The following DST variants were observed in gnomAD, a reference collection of about 807,000 sequenced individuals.
The protein encoded by DST is dystonin.
Under a neutral mutation model 875.2 loss-of-function variants are expected in DST, and 253 were observed. That is an observed-to-expected ratio of 0.29 (90% CI 0.26 to 0.32). The LOEUF is 0.32. DST is among the 10% of genes least tolerant of loss of function. The pLI, the probability that DST is intolerant of heterozygous loss-of-function variation, is 1.00. For missense variants in DST, 8,287 were observed against 9,111.6 expected, an observed-to-expected ratio of 0.91 and a Z score of 3.68; for synonymous variants, 3,124 against 3,197.1, an observed-to-expected ratio of 0.98 and a Z score of 0.77.
At chr6:56,762,937 G>A (rs980061583) in intron 4 of DST, among the ~76,000 whole-genome samples, 7 of 144,214 alleles carry the variant, frequency 4.9e-5, no homozygotes, top group African/African-American at 1.8e-4. Context: ...TGCAACATGT[G>A]CCTCCCCGGT....
Position 56,607,754 on chromosome 6 carries a change from T to G in DST, c.6874A>C (p.Thr2292Pro), listed in dbSNP as rs190207460. ...CHCGEPEHEETPENRKCAIDE... is the reference protein window; with the variant it reads ...CHCGEPEHEEPPENRKCAIDE... The stretch of plus-strand genomic sequence containing the variant: ...ATAGCACACTTTCTATTTTCAGGAG[T>G]CTCTTCATGTTCAGGTTCTCCACAG... The change falls in exon 40 of 104, where the codon ACT becomes CCT. Residue 2292 changes from threonine to proline, a missense_variant. By Grantham distance (38) the Thr-to-Pro change is conservative. Transcript: ENST00000680361. 36 of 1,613,482 alleles carry G rather than the reference T, an allele frequency of 2.2e-5. No homozygotes were observed. The Admixed American group carries it at 4.5e-4, about 20-fold the overall frequency.
At chr6:56,896,380 T>C (rs1791296594) in intron 3 of DST, among the ~76,000 whole-genome samples, 1 of 152,128 alleles carries the variant, frequency 6.6e-6, no homozygotes, top group Non-Finnish European at 1.5e-5. Flanking sequence ...GGGTTTCTGC[T>C]TTTGCTTCTT....
In DST at chr6:56,607,036, G is replaced by C; in HGVS notation, c.7592C>G (p.Ser2531Cys). ...YHNDKYISNT[S>C]GEDEKTHPGF... ...TGGATGTGTTTTTTCATCCTCACCA[G>C]AAGTATTTGAAATGTATTTATCATT... Residue 2531 changes from serine to cysteine, a missense_variant, in exon 40 of 104, where the codon TCT becomes TGT. By Grantham distance (112) the Ser-to-Cys change is moderately radical. Coordinates refer to ENST00000680361, the MANE Select transcript of DST (RefSeq NM_001374736.1). The C allele has an allele frequency of 6.2e-7, 1 of 1,613,324 alleles. No homozygotes were observed. The highest frequency in any genetic ancestry group is 8.5e-7 in the Non-Finnish European group (1 of 1,179,596).
At chr6:56,490,116 T>C (rs2095687150) in intron 85 of DST, among the ~76,000 whole-genome samples, 1 of 152,126 alleles carries the variant, frequency 6.6e-6, no homozygotes, top group African/African-American at 2.4e-5. Context: ...AAAGAGGCCA[T>C]TGCATTCCTA....
chr6:56,835,140 T>G (rs913603192), intron 4 of DST, among the ~76,000 whole-genome samples: 1 of 152,076 alleles, frequency 6.6e-6, no homozygotes, highest in African/African-American at 2.4e-5. Context: ...TGTAAAAACA[T>G]AAAATATAGA....
intron 9 of DST, among the ~76,000 whole-genome samples, chr6:56,685,601 G>A (rs996274763): frequency 3.3e-5 from 5 of 151,940 alleles, no homozygotes; most frequent in Non-Finnish European, 5.9e-5. Context: ...GTGAAACCTC[G>A]TCTCTACTAA....
At chr6:56,595,860 T>A (rs2152692383) in intron 47 of DST, among the ~76,000 whole-genome samples, 1 of 148,984 alleles carries the variant, frequency 6.7e-6, no homozygotes, top group African/African-American at 2.6e-5. Flanking sequence ...ATCAGATCCA[T>A]CCCCTTCCTC....
At chr6:56,561,252 C>A in intron 57 of DST, 56 bp downstream of exon 57, 1 of 1,524,884 alleles carries the variant, frequency 6.6e-7, no homozygotes, top group East Asian at 2.4e-5. Flanking sequence ...GAGCTCCGTT[C>A]CAACTGCTAA....
At chr6:56,615,227 T>A in intron 36 of DST, 1 of 1,188,918 alleles carries the variant, frequency 8.4e-7, no homozygotes, top group Non-Finnish European at 1.0e-6. Context: ...GAACTTGGAG[T>A]TCATCAAGTT....
At chr6:56,916,778 TCACACACACACACA>T (rs70989742) in intron 2 of DST, among the ~76,000 whole-genome samples, 21 of 91,346 alleles carry the variant, frequency 2.3e-4, no homozygotes, top group South Asian at 1.4e-3. Flanking sequence ...TCTCTCTCTC[TCACACACACACACA>T]CACACACACA....
At position 56,463,519 on chromosome 6, in the gene DST, A is replaced by T. The variant is rs184618654; in HGVS notation, c.22959+46T>A. The stretch of plus-strand genomic sequence containing the variant: ...TAGAACATTCAAAAGTCTACTTGGG[A>T]CATTGATTGCAAAGGTGGAGGAAAA... On this transcript the variant is annotated intron_variant, in intron 101 of 103. Coordinates refer to ENST00000680361, the MANE Select transcript of DST (RefSeq NM_001374736.1). 5.5e-4 allele frequency: 808 copies of T among 1,478,306 alleles called. 1 individual carries two copies. The highest frequency in any genetic ancestry group is 4.3e-4 in the Non-Finnish European group (475 of 1,103,328). The allele number at this position is 1,478,306 out of a possible 1,614,324, so 91.6% of individuals were successfully genotyped here.
chr6:56,607,103 A>T lies in DST; in HGVS notation c.7525T>A (p.Ser2509Thr), dbSNP rs774107732. The T allele has an allele frequency of 5.0e-6, 8 of 1,613,200 alleles. No individual in the cohort carries two copies. In the South Asian group the frequency reaches 8.8e-5, roughly 18 times the overall value. The change falls in exon 40 of 104, where the codon TCT (serine) becomes ACT (threonine). Residue 2509 changes from serine to threonine, a missense_variant. Ser to Thr is a moderately conservative substitution (Grantham distance 58). This residue lies in a region of DST where 3,138 missense variants were observed against 3,116.6 expected (regional missense o/e 1.01). Transcript: ENST00000680361. Reference protein sequence around the residue: ...SLPGEQYGQKSLNMISSNPQV... With the variant: ...SLPGEQYGQKTLNMISSNPQV... The stretch of plus-strand genomic sequence containing the variant: ...GGATTACTAGAAATCATATTTAAAG[A>T]TTTCTGTCCATACTGCTCTCCTGGT...
At chr6:56,719,271 T>A (rs1033934722) in intron 5 of DST, among the ~76,000 whole-genome samples, 1 of 152,350 alleles carries the variant, frequency 6.6e-6, no homozygotes, top group African/African-American at 2.4e-5. Flanking sequence ...TTTGTATTTA[T>A]TGAAAAATAG....
intron 58 of DST, among the ~76,000 whole-genome samples, chr6:56,559,584 A>T (rs548575980): frequency 6.6e-6 from 1 of 152,236 alleles, no homozygotes; most frequent in Admixed American, 6.6e-5. Context: ...TATTTGTTTG[A>T]GCCATATACA....
At position 56,832,589 on chromosome 6, in the gene DST, T is replaced by C. The variant is rs139443916; in HGVS notation, c.625+18808A>G. Among the ~76,000 whole-genome samples, 820 of 150,106 alleles carry C rather than the reference T, an allele frequency of 5.5e-3. 6 individuals carry two copies. The highest frequency in any genetic ancestry group is 0.019 in the African/African-American group (774 of 40,448). On this transcript the variant is annotated intron_variant, in intron 4 of 103. Coordinates refer to ENST00000680361, the MANE Select transcript of DST (RefSeq NM_001374736.1). The stretch of plus-strand genomic sequence containing the variant: ...CTTTATCAGCAGTATGAAAACAGAC[T>C]AATGCAGAGATAGTCAAATAACACT...
chr6:56,616,658 T>C, intron 36 of DST: 3 of 1,614,232 alleles, frequency 1.9e-6, no homozygotes, highest in Non-Finnish European at 2.5e-6. Flanking sequence ...CAACCCCTGC[T>C]GCAGAGCAAT....
chr6:56,881,276 C>T (rs1782078408), intron 3 of DST, among the ~76,000 whole-genome samples: 1 of 152,062 alleles, frequency 6.6e-6, no homozygotes, highest in African/African-American at 2.4e-5. Flanking sequence ...ATTTCAAGAC[C>T]AACCTGGCCA....
At chr6:56,872,712 T>C (rs749707957) in intron 3 of DST, among the ~76,000 whole-genome samples, 1 of 152,046 alleles carries the variant, frequency 6.6e-6, no homozygotes, top group Non-Finnish European at 1.5e-5. Context: ...ACCAAGATCT[T>C]AGCTTTTGTT....
At chr6:56,764,262 A>T (rs1420530969) in intron 4 of DST, among the ~76,000 whole-genome samples, 2 of 152,204 alleles carry the variant, frequency 1.3e-5, no homozygotes, top group Non-Finnish European at 2.9e-5. Flanking sequence ...CAAGTCACCA[A>T]CAAGCAAAGC....
Sources: gnomAD v4.1 joint callset for allele counts (sites outside exome capture counted in the v4.1 genomes callset) on GRCh38, gnomAD v4.1.1 for gene constraint, gnomAD v4.1.1 regional missense constraint, MANE v1.5 for transcripts, NCBI Gene and HGNC (gene_info 2026-07-23, HGNC 2026-07-21) for gene names.